Variants in WDR27 observed in about 807,000 individuals in gnomAD.
The protein encoded by WDR27 is WD repeat domain 27.
WDR27 carries 100 observed loss-of-function variants against 114.4 expected under a neutral mutation model. That is an observed-to-expected ratio of 0.87 (90% confidence interval 0.74 to 1.03). The LOEUF (loss-of-function observed/expected upper bound fraction) is 1.03, where lower values mean the gene tolerates loss of function less well. WDR27 is among the 50% of genes least tolerant of loss of function. The pLI is 0.00. For missense variants in WDR27, 1,129 were observed against 1,092.9 expected, an observed-to-expected ratio of 1.03 and a Z score of -0.47; for synonymous variants, 449 against 423.1, an observed-to-expected ratio of 1.06 and a Z score of -0.75.
At chr6:169,521,517 T>C (rs1794377455) in intron 25 of WDR27, among the ~76,000 whole-genome samples, 1 of 152,120 alleles carries the variant, frequency 6.6e-6, no homozygotes, top group Non-Finnish European at 1.5e-5. Context: ...TCTACTACTA[T>C]AATTGTGGTG....
At chr6:169,618,090 T>C (rs1202560029) in intron 21 of WDR27, among the ~76,000 whole-genome samples, 2 of 152,164 alleles carry the variant, frequency 1.3e-5, no homozygotes, top group African/African-American at 2.4e-5. Flanking sequence ...AAGGGAGGGA[T>C]GTGGGTAGGG....
chr6:169,528,842 T>C (rs935967329), intron 25 of WDR27, among the ~76,000 whole-genome samples: 3 of 152,156 alleles, frequency 2.0e-5, no homozygotes, highest in African/African-American at 7.2e-5. Context: ...TAATTTTTAT[T>C]GTTTGATGTA....
the WDR27 span, among the ~76,000 whole-genome samples, chr6:169,427,763 CCT>C: frequency 6.6e-6 from 1 of 151,264 alleles, no homozygotes; most frequent in Admixed American, 6.6e-5. Context: ...AGGGGCAGCC[CCT>C]GTCTTATTTT....
rs144907755 is a variant in WDR27, at chr6:169,587,510, C to A, written c.2425-4576G>T. 8.5e-5 allele frequency among the ~76,000 whole-genome samples: 13 copies of A among 152,248 alleles called. No individual in the cohort carries two copies. In the South Asian group the frequency reaches 1.2e-3, roughly 15 times the overall value. ...CTGGGATTACAGGTGTGAGCCACTG[C>A]GCCCGGCCCTCAATGATTTCCTTAA... On this transcript the variant is annotated intron_variant, in intron 23 of 25. Coordinates refer to ENST00000448612, the MANE Select transcript of WDR27 (RefSeq NM_182552.5).
chr6:169,616,769 C>A (rs1349552640), intron 21 of WDR27, among the ~76,000 whole-genome samples: 3 of 151,988 alleles, frequency 2.0e-5, no homozygotes, highest in Non-Finnish European at 4.4e-5. Context: ...CCAAGAAAAT[C>A]AATACTATAT....
chr6:169,459,554 T>C (rs1784675171), intron 25 of WDR27, among the ~76,000 whole-genome samples: 1 of 151,562 alleles, frequency 6.6e-6, no homozygotes, highest in Non-Finnish European at 1.5e-5. Flanking sequence ...CATTTATATA[T>C]GTATATAAAT....
At chr6:169,649,111 T>C (rs1821567981) in intron 15 of WDR27, 87 bp downstream of exon 15, 1 of 1,114,916 alleles carries the variant, frequency 9.0e-7, no homozygotes, top group East Asian at 2.6e-5. Flanking sequence ...TATAAGGTTT[T>C]ATATCTGTTT....
At chr6:169,652,396 A>G (rs1177978054) in intron 13 of WDR27, among the ~76,000 whole-genome samples, 2 of 152,120 alleles carry the variant, frequency 1.3e-5, no homozygotes, top group African/African-American at 4.8e-5. Flanking sequence ...TTACAGGCAC[A>G]CGCCACCACG....
chr6:169,538,643 C>T (rs893970582), intron 25 of WDR27, among the ~76,000 whole-genome samples: 1 of 151,644 alleles, frequency 6.6e-6, no homozygotes, highest in African/African-American at 2.4e-5. Context: ...GTTAAGGTCT[C>T]CCTTTTCACT....
At chr6:169,549,114 A>T (rs1797793292) in intron 25 of WDR27, among the ~76,000 whole-genome samples, 1 of 152,254 alleles carries the variant, frequency 6.6e-6, no homozygotes, top group South Asian at 2.1e-4. Context: ...ATGAGAAGAT[A>T]AGCCACAAAC....
intron 25 of WDR27, among the ~76,000 whole-genome samples, chr6:169,504,734 A>G (rs1430693455): frequency 6.6e-6 from 1 of 152,030 alleles, no homozygotes; most frequent in African/African-American, 2.4e-5. Flanking sequence ...CTTGGGAAAA[A>G]GCCTCCTGAG....
At chr6:169,683,589 G>GAGC (rs1463129059) in intron 2 of WDR27, among the ~76,000 whole-genome samples, 1 of 152,080 alleles carries the variant, frequency 6.6e-6, no homozygotes, top group Non-Finnish European at 1.5e-5. Flanking sequence ...GTGGAAGGAA[G>GAGC]AGCACTGCAA....
chr6:169,664,105 T>G, intron 8 of WDR27, 61 bp downstream of exon 8: 3 of 1,456,548 alleles, frequency 2.1e-6, no homozygotes, highest in Non-Finnish European at 1.8e-6. Context: ...GCCCTTGACA[T>G]GGCGCCTGGT....
chr6:169,637,695 GT>G (rs1346119067), intron 18 of WDR27, among the ~76,000 whole-genome samples: 1 of 152,048 alleles, frequency 6.6e-6, no homozygotes, highest in Non-Finnish European at 1.5e-5. Flanking sequence ...GTGTGTATGC[GT>G]ATGCATCCAT....
chr6:169,467,404 C>T (rs1785734129), intron 25 of WDR27, among the ~76,000 whole-genome samples: 1 of 152,174 alleles, frequency 6.6e-6, no homozygotes, highest in Admixed American at 6.5e-5. Context: ...CATGAGGGCC[C>T]CACTCCTGCA....
chr6:169,446,710 C>T, the WDR27 span, among the ~76,000 whole-genome samples: 2 of 152,228 alleles, frequency 1.3e-5, no homozygotes, highest in Middle Eastern at 3.2e-3. Flanking sequence ...TTCTTACAAA[C>T]ATAACTCTTT....
At position 169,603,057 on chromosome 6, in the gene WDR27, G is replaced by A. The variant is rs933972741; in HGVS notation, c.2322-736C>T. 5.9e-5 allele frequency among the ~76,000 whole-genome samples: 9 copies of A among 152,016 alleles called. No individual in the cohort carries two copies. The South Asian group carries it at 1.5e-3, about 25-fold the overall frequency. ...TGGTTTCACCATGTTGGCCAAGCTG[G>A]TCTCGAACTCCTGACCTCAGGTAAT... On this transcript the variant is annotated intron_variant, in intron 22 of 25. Transcript: ENST00000448612.
intron 21 of WDR27, among the ~76,000 whole-genome samples, chr6:169,628,025 G>T (rs893149353): frequency 4.6e-5 from 7 of 152,092 alleles, no homozygotes; most frequent in Non-Finnish European, 1.0e-4. Flanking sequence ...CCATGGTCTG[G>T]AAGTTGCTCT....
chr6:169,693,024 G>A (rs1784905613), intron 1 of WDR27, among the ~76,000 whole-genome samples: 1 of 152,168 alleles, frequency 6.6e-6, no homozygotes, highest in Non-Finnish European at 1.5e-5. Context: ...AAATGATTAT[G>A]ACCTGGGTAC....
Sources: allele counts gnomAD v4.1 joint callset (sites outside exome capture counted in the v4.1 genomes callset), GRCh38; gene constraint gnomAD v4.1.1; transcripts MANE v1.5; gene names NCBI Gene and HGNC (gene_info 2026-07-23, HGNC 2026-07-21).